Variants in RASAL2 observed in about 807,000 individuals in gnomAD.
RASAL2 encodes the protein RAS protein activator like 2.
RASAL2 carries 58 observed loss-of-function variants against 128.9 expected under a neutral mutation model. The ratio of observed to expected loss-of-function variants is 0.45; its 90% CI spans 0.36 to 0.56. RASAL2 has a LOEUF of 0.56. Among genes scored for constraint, RASAL2 ranks in the 20% least tolerant of loss-of-function variants. The pLI, the probability that RASAL2 is intolerant of heterozygous loss-of-function variation, is 0.00. For synonymous variants in RASAL2, 561 were observed against 580.8 expected (o/e 0.97, Z 0.49); for missense variants, 1,360 against 1,601.6 (o/e 0.85, Z 2.57).
chr1:178,411,446 A>C (rs911265569), intron 4 of RASAL2, among the ~76,000 whole-genome samples: 1 of 152,180 alleles, frequency 6.6e-6, no homozygotes, highest in Non-Finnish European at 1.5e-5. Context: ...CATTGGGTAC[A>C]GTCTACACTG....
intron 3 of RASAL2, among the ~76,000 whole-genome samples, chr1:178,346,465 T>C (rs1448845330): frequency 1.3e-5 from 2 of 152,114 alleles, no homozygotes; most frequent in Admixed American, 1.3e-4. Context: ...CCTGATATTT[T>C]CCTTGAAGCA....
At chr1:178,378,957 T>C (rs1455861548) in intron 3 of RASAL2, among the ~76,000 whole-genome samples, 1 of 151,706 alleles carries the variant, frequency 6.6e-6, no homozygotes, top group East Asian at 1.9e-4. Flanking sequence ...ACAGAATCAA[T>C]AAAGCCAAGA....
chr1:178,107,363 C>G (rs1429646026), intron 1 of RASAL2, among the ~76,000 whole-genome samples: 1 of 151,856 alleles, frequency 6.6e-6, no homozygotes, highest in Non-Finnish European at 1.5e-5. Flanking sequence ...TCTTTGAGAC[C>G]CATGTGGATA....
chr1:178,174,837 T>A (rs1661830068), intron 1 of RASAL2, among the ~76,000 whole-genome samples: 1 of 152,166 alleles, frequency 6.6e-6, no homozygotes, highest in Admixed American at 6.6e-5. Context: ...TTTCCTGAGC[T>A]TGCTTTAAAA....
chr1:178,176,860 G>C (rs1221421160), intron 1 of RASAL2, among the ~76,000 whole-genome samples: 4 of 151,754 alleles, frequency 2.6e-5, no homozygotes, highest in Non-Finnish European at 4.4e-5. Context: ...ATGTTGCCTA[G>C]GCTGATCTTG....
chr1:178,466,043 G>T lies in RASAL2; in HGVS notation c.3511G>T (p.Ala1171Ser). Reference sequence around the variant, plus strand: ...GCAGAAGCTGCTGCTGGAATACAAGGCCCGACTGGAGGACAGCGAGGAGCG... The same window carrying T: ...GCAGAAGCTGCTGCTGGAATACAAGTCCCGACTGGAGGACAGCGAGGAGCG... Reference protein sequence around the residue: ...QMQKLLLEYKARLEDSEERLR... With the variant: ...QMQKLLLEYKSRLEDSEERLR... The change falls in exon 16 of 18, where the codon GCC becomes TCC. Residue 1171 changes from alanine (A) to serine (S), a missense_variant. By Grantham distance (99) the Ala-to-Ser change is moderately conservative (BLOSUM62 1). Around this residue, in one of 3 missense-constraint regions of RASAL2, gnomAD observed 741 missense variants for 868.6 expected, o/e 0.85. Transcript: ENST00000367649. 1.3e-6 allele frequency: 2 copies of T among 1,581,344 alleles called. No individual in the cohort carries two copies. The highest frequency in any genetic ancestry group is 1.7e-6 in the Non-Finnish European group (2 of 1,162,142).
chr1:178,214,488 G>C (rs557957593), intron 1 of RASAL2, among the ~76,000 whole-genome samples: 6 of 151,764 alleles, frequency 4.0e-5, no homozygotes, highest in African/African-American at 1.2e-4. Flanking sequence ...GGGCAGTCAA[G>C]TATGTTTCAC....
intron 1 of RASAL2, among the ~76,000 whole-genome samples, chr1:178,222,981 C>T (rs1663662509): frequency 6.6e-6 from 1 of 152,108 alleles, no homozygotes; most frequent in African/African-American, 2.4e-5. Flanking sequence ...CCCTGTAGTG[C>T]ATTTAACTGC....
chr1:178,283,823 A>G (rs901832630), intron 2 of RASAL2, 132 bp downstream of exon 2: 1 of 1,058,142 alleles, frequency 9.5e-7, no homozygotes, highest in Non-Finnish European at 1.4e-6. Flanking sequence ...GGTAAGTCTA[A>G]AAGGCTGCTA....
intron 1 of RASAL2, among the ~76,000 whole-genome samples, chr1:178,125,843 GA>G (rs918852928): frequency 3.3e-5 from 5 of 152,142 alleles, no homozygotes; most frequent in African/African-American, 1.2e-4. Flanking sequence ...GAATAGCAGA[GA>G]GTTCATTTTT....
intron 1 of RASAL2, among the ~76,000 whole-genome samples, chr1:178,179,873 C>A (rs1571591856): frequency 1.3e-5 from 2 of 152,144 alleles, no homozygotes; most frequent in African/African-American, 4.8e-5. Flanking sequence ...AAATAACAAT[C>A]TTGTTCGTAC....
chr1:178,331,933 C>T (rs1669338382), intron 3 of RASAL2, among the ~76,000 whole-genome samples: 1 of 152,020 alleles, frequency 6.6e-6, no homozygotes, highest in African/African-American at 2.4e-5. Flanking sequence ...ACATTTTTGG[C>T]ATTTAATAGC....
At chr1:178,102,107 A>G (rs1658922751) in intron 1 of RASAL2, among the ~76,000 whole-genome samples, 1 of 152,054 alleles carries the variant, frequency 6.6e-6, no homozygotes, top group Admixed American at 6.6e-5. Flanking sequence ...AGGAAATTTG[A>G]ATTTCATATA....
At chr1:178,180,964 G>A (rs941474516) in intron 1 of RASAL2, among the ~76,000 whole-genome samples, 3 of 151,864 alleles carry the variant, frequency 2.0e-5, no homozygotes, top group South Asian at 2.1e-4. Flanking sequence ...TAAGTTGTTC[G>A]ACCTAATGAC....
At chr1:178,453,057 T>A (rs1472846276) in intron 11 of RASAL2, among the ~76,000 whole-genome samples, 1 of 152,152 alleles carries the variant, frequency 6.6e-6, no homozygotes, top group African/African-American at 2.4e-5. Context: ...AGACAAATTC[T>A]GCGGTTACAA....
intron 1 of RASAL2, among the ~76,000 whole-genome samples, chr1:178,176,967 A>G (rs1440063570): frequency 6.6e-6 from 1 of 152,110 alleles, no homozygotes; most frequent in Non-Finnish European, 1.5e-5. Context: ...CAATTTCAAA[A>G]TTCTATTTCA....
At chr1:178,438,673 G>A (rs1313078884) in intron 5 of RASAL2, among the ~76,000 whole-genome samples, 1 of 151,868 alleles carries the variant, frequency 6.6e-6, no homozygotes, top group African/African-American at 2.4e-5. Flanking sequence ...ATGACTGAAC[G>A]GTGTTGACAA....
chr1:178,303,048 G>A (rs1667836720), intron 3 of RASAL2, among the ~76,000 whole-genome samples: 1 of 151,998 alleles, frequency 6.6e-6, no homozygotes, highest in African/African-American at 2.4e-5. Context: ...GTGTGTTGGT[G>A]GAAGAATAAA....
chr1:178,148,912 T>C (rs1490444440), intron 1 of RASAL2, among the ~76,000 whole-genome samples: 1 of 152,186 alleles, frequency 6.6e-6, no homozygotes, highest in Non-Finnish European at 1.5e-5. Flanking sequence ...TTACTTTAAT[T>C]TCCCATCCAT....
Sources: allele counts gnomAD v4.1 joint callset (sites outside exome capture counted in the v4.1 genomes callset), GRCh38; gene constraint gnomAD v4.1.1; regional missense constraint gnomAD v4.1.1; transcripts MANE v1.5; gene names NCBI Gene and HGNC (gene_info 2026-07-23, HGNC 2026-07-21).